The following TNFAIP8L3 variants were observed in gnomAD, a reference collection of about 807,000 sequenced individuals.
TNFAIP8L3 encodes the protein TNF alpha induced protein 8 like 3.
In TNFAIP8L3, 7 loss-of-function variants were observed where a neutral mutation model predicts 11.8. That is an observed-to-expected ratio of 0.59 (90% CI 0.34 to 1.11). The LOEUF is 1.11. Among genes scored for constraint, TNFAIP8L3 ranks in the 50% most tolerant of loss-of-function variants. The pLI, the probability that TNFAIP8L3 is intolerant of heterozygous loss-of-function variation, is 0.03. For synonymous variants in TNFAIP8L3, 98 were observed against 103.8 expected (o/e 0.94, Z 0.34); for missense variants, 219 against 258.6 (o/e 0.85, Z 1.05).
intron 1 of TNFAIP8L3, among the ~76,000 whole-genome samples, chr15:51,092,213 T>TAC (rs1487677131): frequency 3.9e-5 from 6 of 152,094 alleles, no homozygotes; most frequent in African/African-American, 1.2e-4. Context: ...GTGAGGCAGG[T>TAC]ACACACACAC....
chr15:51,075,148 C>G (rs2065340809), intron 1 of TNFAIP8L3, among the ~76,000 whole-genome samples: 1 of 152,154 alleles, frequency 6.6e-6, no homozygotes, highest in Admixed American at 6.5e-5. Context: ...AGTTCAGGAC[C>G]CACACCTGGA....
intron 1 of TNFAIP8L3, among the ~76,000 whole-genome samples, chr15:51,076,531 C>G (rs937843938): frequency 2.6e-5 from 4 of 152,200 alleles, no homozygotes; most frequent in Non-Finnish European, 5.9e-5. Flanking sequence ...AGAAGTACCA[C>G]CAAAAGGTTT....
At chr15:51,102,155 G>C (rs534458130) in intron 1 of TNFAIP8L3, among the ~76,000 whole-genome samples, 9 of 152,152 alleles carry the variant, frequency 5.9e-5, no homozygotes, top group Middle Eastern at 3.4e-3. Flanking sequence ...GACATGGAAA[G>C]GAAATGATGT....
intron 1 of TNFAIP8L3, among the ~76,000 whole-genome samples, chr15:51,075,253 G>A (rs776209132): frequency 7.9e-5 from 12 of 152,104 alleles, no homozygotes; most frequent in Non-Finnish European, 1.8e-4. Flanking sequence ...TTCATACGGA[G>A]CTATCTGCTT....
chr15:51,061,324 T>C (rs2065241377), intron 1 of TNFAIP8L3, among the ~76,000 whole-genome samples: 1 of 152,174 alleles, frequency 6.6e-6, no homozygotes, highest in African/African-American at 2.4e-5. Context: ...TTTTAAAAAC[T>C]GTGTACCTCC....
At chr15:51,069,740 T>C (rs766578266) in intron 1 of TNFAIP8L3, among the ~76,000 whole-genome samples, 5 of 152,228 alleles carry the variant, frequency 3.3e-5, no homozygotes, top group Non-Finnish European at 5.9e-5. Context: ...TTCCATTTTA[T>C]AGATGAGGAA....
At chr15:51,066,389 C>T (rs2065272431) in intron 1 of TNFAIP8L3, among the ~76,000 whole-genome samples, 1 of 152,104 alleles carries the variant, frequency 6.6e-6, no homozygotes, top group South Asian at 2.1e-4. Context: ...TCTACGAACT[C>T]CTGACCTCGT....
At chr15:51,099,942 A>C (rs1439471269) in intron 1 of TNFAIP8L3, among the ~76,000 whole-genome samples, 1 of 152,220 alleles carries the variant, frequency 6.6e-6, no homozygotes, top group African/African-American at 2.4e-5. Flanking sequence ...TCCGGAAATA[A>C]CCAATTGATG....
At chr15:51,075,381 C>T (rs1397287241) in intron 1 of TNFAIP8L3, among the ~76,000 whole-genome samples, 3 of 152,176 alleles carry the variant, frequency 2.0e-5, no homozygotes, top group Admixed American at 2.0e-4. Context: ...TTCTCCATGG[C>T]AGAAGCACCC....
At chr15:51,080,596 C>T (rs558597115) in intron 1 of TNFAIP8L3, among the ~76,000 whole-genome samples, 1 of 152,332 alleles carries the variant, frequency 6.6e-6, no homozygotes, top group African/African-American at 2.4e-5. Context: ...ATTTGGTCCT[C>T]GGTTCAGTGG....
At chr15:51,064,851 G>C (rs542993374) in intron 1 of TNFAIP8L3, 1 of 152,372 alleles carries the variant, frequency 6.6e-6, no homozygotes, top group South Asian at 2.1e-4. Context: ...AGCTTTGGGA[G>C]TCAAGGTCAC....
chr15:51,089,098 C>T (rs995936978), intron 1 of TNFAIP8L3, among the ~76,000 whole-genome samples: 11 of 152,024 alleles, frequency 7.2e-5, no homozygotes, highest in African/African-American at 2.7e-4. Flanking sequence ...CCTTCCCTTC[C>T]CCCTTTTTTC....
At chr15:51,083,829 G>A (rs62018211) in intron 1 of TNFAIP8L3, among the ~76,000 whole-genome samples, 4,314 of 152,330 alleles carry the variant, frequency 0.028, 81 homozygotes, top group Non-Finnish European at 0.04. Flanking sequence ...GGGGCTGGGC[G>A]GAGCCAGTGA....
At chr15:51,060,726 C>T (rs1449042161) in intron 1 of TNFAIP8L3, among the ~76,000 whole-genome samples, 1 of 152,218 alleles carries the variant, frequency 6.6e-6, no homozygotes, top group Non-Finnish European at 1.5e-5. Context: ...GGGCATTTTC[C>T]CGAGGCTTTC....
At chr15:51,060,741 TG>T (rs1469232422) in intron 1 of TNFAIP8L3, among the ~76,000 whole-genome samples, 1 of 152,262 alleles carries the variant, frequency 6.6e-6, no homozygotes, top group East Asian at 1.9e-4. Flanking sequence ...GCTTTCCTGC[TG>T]GCCTGATTCC....
intron 1 of TNFAIP8L3, chr15:51,064,528 A>G (rs1017492453): frequency 3.3e-4 from 50 of 152,164 alleles, no homozygotes; most frequent in African/African-American, 1.1e-3. Context: ...TCTGGTATGC[A>G]TTATAGGAAA....
intron 1 of TNFAIP8L3, among the ~76,000 whole-genome samples, chr15:51,104,806 T>C (rs140381703): frequency 2.8e-3 from 429 of 152,352 alleles, no homozygotes; most frequent in Middle Eastern, 3.4e-3. Context: ...ATTTCTGCTG[T>C]GTTGGAGTGA....
intron 1 of TNFAIP8L3, among the ~76,000 whole-genome samples, chr15:51,073,206 G>A (rs535932776): frequency 6.6e-6 from 1 of 152,198 alleles, no homozygotes; most frequent in South Asian, 2.1e-4. Context: ...ATGTTGGTCA[G>A]GCTGGTCTCA....
At position 51,057,667 on chromosome 15, in the gene TNFAIP8L3, C is replaced by T. The variant is rs960706375; in HGVS notation, c.*214G>A. The T allele has an allele frequency of 3.8e-6, 2 of 527,600 alleles. No individual in the cohort carries two copies. The highest frequency in any genetic ancestry group is 1.9e-5 in the African/African-American group (1 of 52,678). 32.7% of individuals were successfully genotyped at this position (527,600 alleles called of 1,614,324 possible). A position where few individuals can be genotyped will look rare whatever the true frequency, so the allele number is the denominator to read the frequency against. On this transcript the variant is annotated 3_prime_UTR_variant, in exon 2 of 2. Transcript: ENST00000637513. The stretch of plus-strand genomic sequence containing the variant: ...ATAGATGAAATGTCCTTTGGGCTTG[C>T]ACACAGGTGATTTTAAGTAGAAACC...
Sources: allele counts gnomAD v4.1 joint callset (sites outside exome capture counted in the v4.1 genomes callset), GRCh38; gene constraint gnomAD v4.1.1; transcripts MANE v1.5; gene names NCBI Gene and HGNC (gene_info 2026-07-23, HGNC 2026-07-21).